The following PPARGC1A variants were observed in gnomAD, a reference collection of about 807,000 sequenced individuals.
PPARGC1A encodes the protein peroxisome proliferator-activated receptor gamma coactivator 1-alpha.
PPARGC1A carries 25 observed loss-of-function variants against 88.7 expected under a neutral mutation model. That is an observed-to-expected ratio of 0.28 (90% CI 0.21 to 0.39). The LOEUF is 0.39. Ranked by LOEUF, PPARGC1A falls within the 10% of genes least tolerant of loss-of-function variation. The pLI is 1.00. For missense variants in PPARGC1A, 880 were observed against 968.7 expected (o/e 0.91, Z 1.22); for synonymous variants, 363 against 355.6 (o/e 1.02, Z -0.24).
At chr4:23,919,879 A>C in the PPARGC1A span, among the ~76,000 whole-genome samples, 1 of 152,336 alleles carries the variant, frequency 6.6e-6, no homozygotes, top group African/African-American at 2.4e-5. Flanking sequence ...GGAAGAATCA[A>C]GCCAGTGCAG....
chr4:24,133,162 T>C, the PPARGC1A span, among the ~76,000 whole-genome samples: 1 of 152,164 alleles, frequency 6.6e-6, no homozygotes. Context: ...CTTTATTCTA[T>C]CTGTTATTCT....
chr4:24,157,251 G>T, the PPARGC1A span, among the ~76,000 whole-genome samples: 11 of 152,100 alleles, frequency 7.2e-5, no homozygotes, highest in Non-Finnish European at 2.9e-5. Context: ...GGCCATCATG[G>T]GTCAACTGCT....
the PPARGC1A span, among the ~76,000 whole-genome samples, chr4:24,447,207 G>A: frequency 2.6e-5 from 4 of 152,310 alleles, no homozygotes; most frequent in Admixed American, 2.6e-4. Flanking sequence ...AGAAACAGAA[G>A]ATGGCTCTTC....
the PPARGC1A span, among the ~76,000 whole-genome samples, chr4:24,103,681 T>C: frequency 6.6e-6 from 1 of 151,060 alleles, no homozygotes; most frequent in East Asian, 2.0e-4. Flanking sequence ...TTTGGCTGAG[T>C]GTCCTGCTCT....
At chr4:24,443,029 G>A in the PPARGC1A span, among the ~76,000 whole-genome samples, 1 of 152,006 alleles carries the variant, frequency 6.6e-6, no homozygotes, top group East Asian at 1.9e-4. Flanking sequence ...TCCTAGGAGC[G>A]CCATTTCCTG....
Position 23,890,005 on chromosome 4 carries a change from G to T in PPARGC1A, c.-48C>A. On this transcript the variant is annotated 5_prime_UTR_variant, in exon 1 of 13. The change creates a new upstream start codon in the 5' untranslated region. Transcript: ENST00000264867. ...CAAGCTTTTTCAACTCCAATCCACA[G>T]TGACACAGAGCACACACTCATGCAG... 1 of 1,611,620 alleles carries T rather than the reference G, an allele frequency of 6.2e-7. No homozygotes were observed. Among genetic ancestry groups the T allele is most frequent in the Non-Finnish European group, 8.5e-7 (1 of 1,178,816 alleles).
At chr4:24,276,103 A>G in the PPARGC1A span, among the ~76,000 whole-genome samples, 1 of 152,222 alleles carries the variant, frequency 6.6e-6, no homozygotes, top group Non-Finnish European at 1.5e-5. Context: ...GGACTTAATG[A>G]AAGTTTAGTG....
the PPARGC1A span, among the ~76,000 whole-genome samples, chr4:24,236,855 A>C: frequency 6.6e-6 from 1 of 152,212 alleles, no homozygotes; most frequent in Non-Finnish European, 1.5e-5. Flanking sequence ...CTGTCTCAAT[A>C]CTTTCAATGC....
At chr4:24,466,392 C>G in the PPARGC1A span, among the ~76,000 whole-genome samples, 1 of 152,150 alleles carries the variant, frequency 6.6e-6, no homozygotes, top group Non-Finnish European at 1.5e-5. Flanking sequence ...AAAGTGAGTA[C>G]AGTGGGGATA....
At chr4:23,844,418 T>G (rs547533304) in intron 2 of PPARGC1A, among the ~76,000 whole-genome samples, 266 of 113,574 alleles carry the variant, frequency 2.3e-3, no homozygotes, top group African/African-American at 7.2e-3. Context: ...TAATAATATA[T>G]AATATATTAT....
the PPARGC1A span, among the ~76,000 whole-genome samples, chr4:23,925,104 G>A: frequency 6.6e-6 from 1 of 152,162 alleles, no homozygotes; most frequent in Non-Finnish European, 1.5e-5. Flanking sequence ...CAAAATATGG[G>A]TCTGAAAGCA....
At chr4:24,183,516 T>C in the PPARGC1A span, among the ~76,000 whole-genome samples, 1 of 152,168 alleles carries the variant, frequency 6.6e-6, no homozygotes, top group South Asian at 2.1e-4. Context: ...TTCTTTAAGG[T>C]CTAGAAAAGA....
chr4:24,058,982 A>G, the PPARGC1A span, among the ~76,000 whole-genome samples: 52,334 of 152,014 alleles, frequency 0.34, 9,166 homozygotes, highest in South Asian at 0.41. Flanking sequence ...AACCAGAGAA[A>G]AGAAGAAAAA....
the PPARGC1A span, among the ~76,000 whole-genome samples, chr4:24,387,746 A>G: frequency 0.054 from 3,229 of 59,876 alleles, 145 homozygotes; most frequent in Admixed American, 0.11. Flanking sequence ...GAAAGAAAGA[A>G]AGAGAGAGAG....
upstream of PPARGC1A, among the ~76,000 whole-genome samples, chr4:23,905,188 T>C (rs1719893078): frequency 1.3e-5 from 2 of 152,180 alleles, no homozygotes; most frequent in Admixed American, 1.3e-4. Context: ...TATGGAATGG[T>C]CCACAAAAGG....
the PPARGC1A span, among the ~76,000 whole-genome samples, chr4:23,997,900 T>C: frequency 2.0e-5 from 3 of 152,160 alleles, no homozygotes; most frequent in Non-Finnish European, 4.4e-5. Context: ...TTCAGTGCCA[T>C]AAAGCTAATT....
chr4:24,201,942 C>T, the PPARGC1A span, among the ~76,000 whole-genome samples: 26 of 151,322 alleles, frequency 1.7e-4, no homozygotes, highest in African/African-American at 6.3e-4. Context: ...CACCCTGTCA[C>T]CCAGGCTAGA....
the PPARGC1A span, among the ~76,000 whole-genome samples, chr4:24,470,165 G>A: frequency 2.6e-5 from 4 of 152,026 alleles, no homozygotes; most frequent in Non-Finnish European, 4.4e-5. This position sits in a 1 kb window ranked among gnomAD's most constrained non-coding sequence, Gnocchi z 5.8. Flanking sequence ...GCGCTGCCGA[G>A]GATGCCCGAA....
the PPARGC1A span, among the ~76,000 whole-genome samples, chr4:24,213,644 A>G: frequency 6.6e-6 from 1 of 152,188 alleles, no homozygotes; most frequent in Non-Finnish European, 1.5e-5. Flanking sequence ...AACTTATAAA[A>G]TTGATGCTAC....
Sources: gnomAD v4.1 joint callset for allele counts (sites outside exome capture counted in the v4.1 genomes callset) on GRCh38, gnomAD v4.1.1 for gene constraint, Gnocchi (gnomAD v3.1) non-coding constraint, MANE v1.5 for transcripts, NCBI Gene and HGNC (gene_info 2026-07-23, HGNC 2026-07-21) for gene names.